The following FOCAD variants were observed in gnomAD, a reference collection of about 807,000 sequenced individuals.
FOCAD encodes the protein KIAA1797.
Under a neutral mutation model 225.6 loss-of-function variants are expected in FOCAD, and 198 were observed. That is an observed-to-expected ratio of 0.88 (90% CI 0.78 to 0.99). FOCAD has a LOEUF of 0.99. FOCAD is among the 50% of genes least tolerant of loss of function. The pLI, the probability that FOCAD is intolerant of heterozygous loss-of-function variation, is 0.00. For missense variants in FOCAD, 2,713 were observed against 2,123.6 expected, an observed-to-expected ratio of 1.28 and a Z score of -5.46; for synonymous variants, 897 against 755.0, an observed-to-expected ratio of 1.19 and a Z score of -3.08.
chr9:20,947,453 A>G (rs1837288421), intron 30 of FOCAD, among the ~76,000 whole-genome samples: 1 of 152,190 alleles, frequency 6.6e-6, no homozygotes, highest in African/African-American at 2.4e-5. Flanking sequence ...AGTCAAAAGC[A>G]TAGAGACAGA....
rs773859024 is a variant in FOCAD, at chr9:20,758,079, G to T, written c.393-11G>T. 4.9e-5 allele frequency: 77 copies of T among 1,585,096 alleles called. No homozygotes were observed. Among genetic ancestry groups the T allele is most frequent in the Non-Finnish European group, 5.8e-5 (68 of 1,163,968 alleles). On this transcript the variant is annotated splice_polypyrimidine_tract_variant and intron_variant, in intron 5 of 43. Transcript: ENST00000338382. ...ATAACAGGTTCCCATGTGACTTTCT[G>T]TGTCTTTCAGAAATCATCCTCATCC...
intron 2 of FOCAD, among the ~76,000 whole-genome samples, chr9:20,659,624 G>T (rs1331924921): frequency 6.6e-6 from 1 of 152,120 alleles, no homozygotes; most frequent in Non-Finnish European, 1.5e-5. Context: ...CTTTGATGTT[G>T]GATTTCCCTG....
intron 15 of FOCAD, among the ~76,000 whole-genome samples, chr9:20,851,244 T>G (rs747413768): frequency 6.6e-6 from 1 of 151,264 alleles, no homozygotes; most frequent in Non-Finnish European, 1.5e-5. Flanking sequence ...GGGGGTGTTA[T>G]TATTTAGATC....
chr9:20,676,196 G>GTT (rs1333630970), intron 2 of FOCAD, among the ~76,000 whole-genome samples: 3 of 152,186 alleles, frequency 2.0e-5, no homozygotes, highest in African/African-American at 7.2e-5. Context: ...TCTATTGTGT[G>GTT]TTTCTGACCC....
Position 20,777,121 on chromosome 9 carries a change from G to T in FOCAD, c.907-1560G>T, listed in dbSNP as rs558049003. On this transcript the variant is annotated intron_variant, in intron 8 of 43. Coordinates refer to ENST00000338382, the MANE Select transcript of FOCAD (RefSeq NM_001375567.1). The stretch of plus-strand genomic sequence containing the variant: ...CAAAAGTCCATAAACAAGCACATGA[G>T]AGGATTTTGTAGGTTAATTTCACTC... Among the ~76,000 whole-genome samples, 79 of 151,990 alleles carry T rather than the reference G, an allele frequency of 5.2e-4. 1 individual carries two copies. In the South Asian group the frequency reaches 8.5e-3, roughly 16 times the overall value.
chr9:20,819,515 G>A (rs1824090794), intron 11 of FOCAD, among the ~76,000 whole-genome samples: 1 of 152,050 alleles, frequency 6.6e-6, no homozygotes, highest in South Asian at 2.1e-4. Flanking sequence ...TGCTTGGCAA[G>A]GCAGGGTGTA....
chr9:20,685,837 TAA>T (rs1822632930), intron 1 of FOCAD, among the ~76,000 whole-genome samples: 1 of 152,216 alleles, frequency 6.6e-6, no homozygotes, highest in South Asian at 2.1e-4. Context: ...TGACGCCTGA[TAA>T]CCAAAAGGTT....
rs144418090 is a variant in FOCAD at position 20,963,266 on chromosome 9, C to T, written c.4132+10201C>T. ...TTACAAATTTTCTTTGTTGCTGACA[C>T]TTGCATGTATATTAGGTCAATTCTA... On this transcript the variant is annotated intron_variant, in intron 35 of 43. Coordinates refer to ENST00000338382, the MANE Select transcript of FOCAD (RefSeq NM_001375567.1). Among the ~76,000 whole-genome samples, 52 of 152,296 alleles carry T rather than the reference C, an allele frequency of 3.4e-4. No individual in the cohort carries two copies. In the East Asian group the frequency reaches 7.9e-3, roughly 23 times the overall value.
rs1201843058 is a variant in FOCAD at position 20,948,851 on chromosome 9, G to A, written c.3799G>A (p.Gly1267Ser). The A allele has an allele frequency of 3.1e-6, 5 of 1,613,220 alleles. No individual in the cohort carries two copies. The South Asian group carries it at 4.4e-5, about 14-fold the overall frequency. Residue 1267 changes from glycine to serine, a missense_variant and splice_region_variant, in exon 32 of 44, where the codon GGC becomes AGC. By Grantham distance (56) the Gly-to-Ser change is moderately conservative. Transcript: ENST00000338382. ...PAWIRIVLTE[G>S]TPTMLCLAAL... ...TCATATTCTGATGCTTTGTTTTCAGGGCACTCCCACAATGCTTTGTCTGGC... is the reference window on the plus strand; with the variant it reads ...TCATATTCTGATGCTTTGTTTTCAGAGCACTCCCACAATGCTTTGTCTGGC...
chr9:20,674,693 T>C (rs1214358218), intron 2 of FOCAD, among the ~76,000 whole-genome samples: 1 of 152,258 alleles, frequency 6.6e-6, no homozygotes, highest in Non-Finnish European at 1.5e-5. Flanking sequence ...GTTCTTTGAA[T>C]GTCTGGAGGA....
chr9:20,916,810 G>C (rs757206448), intron 23 of FOCAD, 83 bp from the exon 24 acceptor site: 108 of 1,265,534 alleles, frequency 8.5e-5, no homozygotes, highest in Non-Finnish European at 1.2e-4. Flanking sequence ...ATTGCTGGAG[G>C]TTCTTATTAA....
chr9:20,991,115 G>A (rs887176865), intron 42 of FOCAD, among the ~76,000 whole-genome samples: 4 of 152,148 alleles, frequency 2.6e-5, no homozygotes, highest in Non-Finnish European at 4.4e-5. Flanking sequence ...GTGAACATGT[G>A]TTACTTTGAA....
At chr9:20,784,567 A>G (rs755726160) in intron 10 of FOCAD, among the ~76,000 whole-genome samples, 8 of 152,186 alleles carry the variant, frequency 5.3e-5, no homozygotes, top group African/African-American at 7.2e-5. Context: ...ATTGTACAGG[A>G]GGGCAAAATT....
In FOCAD at chr9:20,981,653, G is replaced by A. The variant is rs757931751; in HGVS notation, c.4605G>A (p.Gly1535=). 4 of 1,610,894 alleles carry A rather than the reference G, an allele frequency of 2.5e-6. No individual in the cohort carries two copies. Among genetic ancestry groups the A allele is most frequent in the Non-Finnish European group, 3.4e-6 (4 of 1,178,772 alleles). ...GGAGTCTGCTCTCTGAAGCTACTGG[G>A]AAAATTTTTGACCTCCTGCCAAATA... ...HLWSLLSEAT[G]KIFDLLPNKI... Residue 1535 remains glycine, a synonymous_variant, in exon 38 of 44, where the codon GGG becomes GGA. Coordinates refer to ENST00000338382, the MANE Select transcript of FOCAD (RefSeq NM_001375567.1).
At chr9:20,700,548 A>C (rs1019443608) in intron 1 of FOCAD, among the ~76,000 whole-genome samples, 1 of 152,010 alleles carries the variant, frequency 6.6e-6, no homozygotes, top group Non-Finnish European at 1.5e-5. Flanking sequence ...AAAAAAAAAA[A>C]CTGGGAGTTT....
At chr9:20,790,999 T>A (rs549203792) in intron 11 of FOCAD, among the ~76,000 whole-genome samples, 107 of 152,296 alleles carry the variant, frequency 7.0e-4, no homozygotes, top group African/African-American at 2.5e-3. Context: ...TTTAACTTGC[T>A]TTCTGCTTTA....
intron 5 of FOCAD, among the ~76,000 whole-genome samples, chr9:20,755,635 T>A (rs548294939): frequency 1.3e-5 from 2 of 152,110 alleles, no homozygotes; most frequent in Non-Finnish European, 2.9e-5. Context: ...GTGTGATAAC[T>A]TGTTGAGTTT....
At chr9:20,967,028 A>G (rs1839326476) in intron 35 of FOCAD, among the ~76,000 whole-genome samples, 1 of 151,780 alleles carries the variant, frequency 6.6e-6, no homozygotes, top group Non-Finnish European at 1.5e-5. Context: ...TTCCACATGA[A>G]TTTGAGGATT....
chr9:20,786,699 A>T (rs928878052), intron 10 of FOCAD, among the ~76,000 whole-genome samples: 1 of 152,332 alleles, frequency 6.6e-6, no homozygotes, highest in East Asian at 1.9e-4. Flanking sequence ...AAGAAGTACT[A>T]TCAGATGTTT....
Sources: gnomAD v4.1 joint callset for allele counts (sites outside exome capture counted in the v4.1 genomes callset) on GRCh38, gnomAD v4.1.1 for gene constraint, MANE v1.5 for transcripts, NCBI Gene and HGNC (gene_info 2026-07-23, HGNC 2026-07-21) for gene names.